The following PHACTR1 variants were observed in gnomAD, a reference collection of about 807,000 sequenced individuals.
PHACTR1 encodes the protein phosphatase and actin regulator 1.
PHACTR1 carries 16 observed loss-of-function variants against 69.2 expected under a neutral mutation model. The ratio of observed to expected loss-of-function variants is 0.23; its 90% CI spans 0.16 to 0.35. The LOEUF (loss-of-function observed/expected upper bound fraction) is 0.35, where lower values mean the gene tolerates loss of function less well. Among genes scored for constraint, PHACTR1 ranks in the 10% least tolerant of loss-of-function variants. The probability of loss-of-function intolerance (pLI) is 1.00; values close to 1 mark genes in which losing one functional copy is unlikely to be tolerated. For missense variants in PHACTR1, 510 were observed against 734.7 expected, an observed-to-expected ratio of 0.69 and a Z score of 3.54; for synonymous variants, 312 against 284.5, an observed-to-expected ratio of 1.10 and a Z score of -0.97.
intron 4 of PHACTR1, among the ~76,000 whole-genome samples, chr6:12,950,879 C>G (rs1030989836): frequency 6.6e-6 from 1 of 152,184 alleles, no homozygotes; most frequent in Non-Finnish European, 1.5e-5. Context: ...ACACCTCATT[C>G]ATTTGCGCCA....
chr6:12,808,032 A>C (rs1433814768), intron 4 of PHACTR1, among the ~76,000 whole-genome samples: 1 of 152,194 alleles, frequency 6.6e-6, no homozygotes, highest in African/African-American at 2.4e-5. Context: ...CACTTAGTCT[A>C]CTGGACCTAA....
At chr6:13,001,964 G>A (rs1359600095) in intron 4 of PHACTR1, among the ~76,000 whole-genome samples, 2 of 152,202 alleles carry the variant, frequency 1.3e-5, no homozygotes, top group African/African-American at 4.8e-5. Flanking sequence ...GAACTGTGAA[G>A]ATTTTGTTGA....
At chr6:13,087,462 C>G (rs1410930782) in intron 5 of PHACTR1, among the ~76,000 whole-genome samples, 1 of 151,722 alleles carries the variant, frequency 6.6e-6, no homozygotes, top group Non-Finnish European at 1.5e-5. Context: ...AAACTAAATT[C>G]ATGTTCAAGT....
chr6:13,128,653 G>A (rs758938836), intron 5 of PHACTR1, among the ~76,000 whole-genome samples: 10 of 151,836 alleles, frequency 6.6e-5, no homozygotes, highest in Non-Finnish European at 1.3e-4. Context: ...TTGAGATTAT[G>A]TTAAATCACC....
chr6:13,279,301 T>C (rs976923292), intron 12 of PHACTR1: 10 of 152,174 alleles, frequency 6.6e-5, no homozygotes, highest in Non-Finnish European at 1.3e-4. Flanking sequence ...TCTTGGATGA[T>C]GCTGAAAAGT....
Position 13,131,147 on chromosome 6 carries a change from A to C in PHACTR1, c.416-29057A>C, listed in dbSNP as rs143630716. On this transcript the variant is annotated intron_variant, in intron 5 of 14. Coordinates refer to ENST00000332995, the MANE Select transcript of PHACTR1 (RefSeq NM_030948.6). ...AACTACCATATATATACATATATAT[A>C]CACATATATATGTATATATATGTGT... Among the ~76,000 whole-genome samples the C allele has an allele frequency of 5.3e-5, 8 of 150,762 alleles. No individual in the cohort carries two copies. The East Asian group carries it at 1.5e-3, about 29-fold the overall frequency.
At chr6:12,960,398 C>T (rs966034904) in intron 4 of PHACTR1, among the ~76,000 whole-genome samples, 2 of 152,324 alleles carry the variant, frequency 1.3e-5, no homozygotes, top group African/African-American at 4.8e-5. Context: ...CACATTTGTG[C>T]TCCTACAAAT....
At chr6:12,802,757 A>G (rs1773855846) in intron 4 of PHACTR1, among the ~76,000 whole-genome samples, 1 of 152,222 alleles carries the variant, frequency 6.6e-6, no homozygotes, top group Non-Finnish European at 1.5e-5. Flanking sequence ...GCTTAACTCC[A>G]TAGGAATGGA....
At chr6:13,070,789 A>T (rs6933083) in intron 5 of PHACTR1, among the ~76,000 whole-genome samples, 3,372 of 151,444 alleles carry the variant, frequency 0.022, 130 homozygotes, top group African/African-American at 0.077. Context: ...TACCTATATG[A>T]TGTATATGAA....
At chr6:13,217,769 C>G (rs1050000189) in intron 8 of PHACTR1, among the ~76,000 whole-genome samples, 9 of 152,234 alleles carry the variant, frequency 5.9e-5, no homozygotes, top group African/African-American at 2.2e-4. Context: ...AATCCTAGGC[C>G]ATGATAAACC....
intron 4 of PHACTR1, among the ~76,000 whole-genome samples, chr6:12,750,810 T>A (rs1766529531): frequency 6.6e-6 from 1 of 152,224 alleles, no homozygotes; most frequent in Non-Finnish European, 1.5e-5. Context: ...TAAGCTTCCA[T>A]CCTAGTTTGT....
intron 5 of PHACTR1, among the ~76,000 whole-genome samples, chr6:13,114,362 C>G (rs189174611): frequency 6.6e-6 from 1 of 152,124 alleles, no homozygotes; most frequent in African/African-American, 2.4e-5. Flanking sequence ...ATTCTTGGTA[C>G]ATTCTTAGGA....
At chr6:12,925,319 T>C (rs1788151969) in intron 4 of PHACTR1, among the ~76,000 whole-genome samples, 1 of 152,194 alleles carries the variant, frequency 6.6e-6, no homozygotes. Flanking sequence ...TTCCTCTAGG[T>C]TATGAATATA....
chr6:12,787,494 G>T (rs1416842329), intron 4 of PHACTR1, among the ~76,000 whole-genome samples: 1 of 152,158 alleles, frequency 6.6e-6, no homozygotes, highest in African/African-American at 2.4e-5. Context: ...GATGTGTCCT[G>T]AGCAAATGGT....
chr6:13,043,476 C>T (rs1005333313), intron 4 of PHACTR1, among the ~76,000 whole-genome samples: 14 of 151,750 alleles, frequency 9.2e-5, no homozygotes, highest in Non-Finnish European at 1.3e-4. Flanking sequence ...GAAAGATTAT[C>T]CACAGCTCTA....
At chr6:13,104,339 G>A (rs1815718289) in intron 5 of PHACTR1, among the ~76,000 whole-genome samples, 2 of 152,158 alleles carry the variant, frequency 1.3e-5, no homozygotes, top group African/African-American at 4.8e-5. Context: ...GTAATCTGGT[G>A]AAATATATAC....
At chr6:13,160,127 G>C in intron 5 of PHACTR1, 77 bp from the exon 6 acceptor site, 1 of 1,240,718 alleles carries the variant, frequency 8.1e-7, no homozygotes, top group Non-Finnish European at 1.2e-6. Context: ...ATTGCCATAT[G>C]TGTTAACATA....
intron 4 of PHACTR1, among the ~76,000 whole-genome samples, chr6:13,004,402 G>A (rs761244865): frequency 2.0e-5 from 3 of 151,950 alleles, no homozygotes; most frequent in Non-Finnish European, 2.9e-5. Flanking sequence ...TCATATCTTT[G>A]TTGGCCCTTT....
chr6:13,282,664 AC>A (rs1780544102), intron 12 of PHACTR1, among the ~76,000 whole-genome samples: 1 of 152,144 alleles, frequency 6.6e-6, no homozygotes, highest in Non-Finnish European at 1.5e-5. Flanking sequence ...ATTTGCACAT[AC>A]GCTTTTTTGC....
Sources: allele counts gnomAD v4.1 joint callset (sites outside exome capture counted in the v4.1 genomes callset), GRCh38; gene constraint gnomAD v4.1.1; transcripts MANE v1.5; gene names NCBI Gene and HGNC (gene_info 2026-07-23, HGNC 2026-07-21).